SHISA9: variants seen among roughly 807,000 people sequenced by gnomAD.
SHISA9 encodes the protein protein shisa-9.
A neutral mutation model predicts 38.0 loss-of-function variants in SHISA9; 13 were observed. The ratio of observed to expected loss-of-function variants is 0.34; its 90% CI spans 0.22 to 0.54. SHISA9 has a LOEUF of 0.54. Among genes scored for constraint, SHISA9 ranks in the 20% least tolerant of loss-of-function variants. The pLI is 0.91. For synonymous variants in SHISA9, 275 were observed against 242.0 expected (o/e 1.14, Z -1.27); for missense variants, 538 against 575.8 (o/e 0.93, Z 0.67).
intron 2 of SHISA9, among the ~76,000 whole-genome samples, chr16:13,111,630 T>C (rs2073979255): frequency 1.3e-5 from 2 of 152,214 alleles, no homozygotes; most frequent in South Asian, 4.1e-4. Flanking sequence ...GAAATTTATT[T>C]TTTATTATTA....
the SHISA9 span, among the ~76,000 whole-genome samples, chr16:13,506,654 C>T: frequency 3.3e-5 from 5 of 152,058 alleles, no homozygotes; most frequent in Admixed American, 6.6e-5. Flanking sequence ...GGAGCGCCTG[C>T]GTGAAGTGAG....
the SHISA9 span, among the ~76,000 whole-genome samples, chr16:13,546,808 T>C: frequency 0.36 from 54,952 of 152,058 alleles, 10,628 homozygotes; most frequent in East Asian, 0.63. Context: ...ATTTGAGTAG[T>C]TGAAAAAGAA....
chr16:13,064,234 A>T (rs970502532), intron 2 of SHISA9, among the ~76,000 whole-genome samples: 1 of 152,190 alleles, frequency 6.6e-6, no homozygotes, highest in African/African-American at 2.4e-5. Context: ...GGCCACAGTC[A>T]TTCATTTATT....
intron 2 of SHISA9, among the ~76,000 whole-genome samples, chr16:12,953,206 C>T (rs2071783084): frequency 6.9e-6 from 1 of 143,896 alleles, no homozygotes; most frequent in Admixed American, 7.0e-5. Flanking sequence ...CAAAAAAACC[C>T]CTCAACAACA....
chr16:13,501,743 C>G, the SHISA9 span, among the ~76,000 whole-genome samples: 1 of 152,094 alleles, frequency 6.6e-6, no homozygotes, highest in Non-Finnish European at 1.5e-5. Context: ...TGGCTCAAGC[C>G]TATAATCCCA....
chr16:13,451,575 G>A, the SHISA9 span, among the ~76,000 whole-genome samples: 1 of 152,216 alleles, frequency 6.6e-6, no homozygotes, highest in Non-Finnish European at 1.5e-5. Context: ...CCTTCAAACT[G>A]AAGATCGGAG....
chr16:13,129,710 G>A (rs1215381939), intron 2 of SHISA9, among the ~76,000 whole-genome samples: 1 of 152,166 alleles, frequency 6.6e-6, no homozygotes, highest in East Asian at 1.9e-4. Context: ...GCTGGTCTCT[G>A]CAAGAAAAGG....
chr16:12,953,187 AAAG>A (rs1197709354), intron 2 of SHISA9, among the ~76,000 whole-genome samples: 7 of 150,362 alleles, frequency 4.7e-5, no homozygotes, highest in Non-Finnish European at 1.0e-4. Context: ...GTAAAAAAAA[AAAG>A]AAAAACAAAA....
At chr16:13,329,114 G>A in the SHISA9 span, among the ~76,000 whole-genome samples, 1 of 152,132 alleles carries the variant, frequency 6.6e-6, no homozygotes, top group African/African-American at 2.4e-5. Flanking sequence ...ACGCTGGCCA[G>A]GCAAAGGCCC....
At chr16:13,170,494 G>A (rs912983036) in intron 2 of SHISA9, among the ~76,000 whole-genome samples, 1 of 152,170 alleles carries the variant, frequency 6.6e-6, no homozygotes, top group African/African-American at 2.4e-5. Context: ...GGCCTGCCAG[G>A]GGTGGTGTGG....
intron 2 of SHISA9, among the ~76,000 whole-genome samples, chr16:13,135,662 A>G (rs896897831): frequency 6.6e-6 from 1 of 152,192 alleles, no homozygotes; most frequent in Non-Finnish European, 1.5e-5. Flanking sequence ...TTGTATCTCA[A>G]CATCTGCTTC....
At chr16:13,003,408 G>A (rs547001633) in intron 2 of SHISA9, among the ~76,000 whole-genome samples, 1 of 152,284 alleles carries the variant, frequency 6.6e-6, no homozygotes, top group Non-Finnish European at 1.5e-5. Context: ...TCCTAAGCTC[G>A]CTGGGATTCC....
At chr16:13,325,954 G>A in the SHISA9 span, among the ~76,000 whole-genome samples, 10 of 150,832 alleles carry the variant, frequency 6.6e-5, no homozygotes, top group African/African-American at 2.4e-4. Flanking sequence ...AATGCATGAG[G>A]GGCTTGAAAC....
chr16:13,026,434 T>A (rs919362874), intron 2 of SHISA9, among the ~76,000 whole-genome samples: 1 of 152,262 alleles, frequency 6.6e-6, no homozygotes, highest in Non-Finnish European at 1.5e-5. Context: ...TACTATTCCA[T>A]TGTATGACTA....
chr16:13,065,895 C>A (rs276621), intron 2 of SHISA9, among the ~76,000 whole-genome samples: 7,789 of 152,266 alleles, frequency 0.051, 646 homozygotes, highest in African/African-American at 0.18. Flanking sequence ...GTCTTGTATA[C>A]GCATGGTGTA....
At chr16:13,082,648 A>T (rs1184399581) in intron 2 of SHISA9, 1 of 152,238 alleles carries the variant, frequency 6.6e-6, no homozygotes, top group African/African-American at 2.4e-5. Flanking sequence ...CGTCTAAACC[A>T]TATGGCTAAG....
At chr16:13,442,769 C>T in the SHISA9 span, among the ~76,000 whole-genome samples, 8 of 152,056 alleles carry the variant, frequency 5.3e-5, no homozygotes, top group Non-Finnish European at 1.0e-4. Flanking sequence ...ACCTGGCCAA[C>T]ATAGTGAGAC....
At chr16:13,503,255 A>ACAC in the SHISA9 span, among the ~76,000 whole-genome samples, 1 of 152,242 alleles carries the variant, frequency 6.6e-6, no homozygotes, top group East Asian at 1.9e-4. Context: ...TGACACTAGT[A>ACAC]TAGCGATATA....
chr16:13,476,835 G>A, the SHISA9 span, among the ~76,000 whole-genome samples: 59 of 132,674 alleles, frequency 4.4e-4, no homozygotes, highest in African/African-American at 1.5e-3. Context: ...TGCAAGCTCC[G>A]CCTCCCTGGT....
Sources: gnomAD v4.1 joint callset for allele counts (sites outside exome capture counted in the v4.1 genomes callset) on GRCh38, gnomAD v4.1.1 for gene constraint, MANE v1.5 for transcripts, NCBI Gene and HGNC (gene_info 2026-07-23, HGNC 2026-07-21) for gene names.